Variants in BEND7 observed in about 807,000 individuals in gnomAD.
The protein encoded by BEND7 is BEN domain-containing protein 7.
BEND7 carries 28 observed loss-of-function variants against 50.9 expected under a neutral mutation model. The observed-to-expected ratio is 0.55, with a 90% CI of 0.41 to 0.75. The LOEUF (loss-of-function observed/expected upper bound fraction) is 0.75. Among genes scored for constraint, BEND7 ranks in the 30% least tolerant of loss-of-function variants. BEND7 has a pLI of 0.00. For missense variants in BEND7, 477 were observed against 491.3 expected (o/e 0.97, Z 0.28); for synonymous variants, 170 against 183.9 (o/e 0.92, Z 0.61).
At chr10:13,451,087 G>T (rs1046358733) in intron 7 of BEND7, among the ~76,000 whole-genome samples, 1 of 152,024 alleles carries the variant, frequency 6.6e-6, no homozygotes, top group African/African-American at 2.4e-5. Context: ...GCATGGGGAA[G>T]GCAGCAGAAC....
chr10:13,489,595 T>C (rs936229081), intron 5 of BEND7, among the ~76,000 whole-genome samples: 1 of 152,288 alleles, frequency 6.6e-6, no homozygotes, highest in East Asian at 1.9e-4. Context: ...TCTCTGCTCT[T>C]GAGAAGCTGG....
At chr10:13,501,790 G>A (rs1267746311) in intron 2 of BEND7, among the ~76,000 whole-genome samples, 1 of 151,788 alleles carries the variant, frequency 6.6e-6, no homozygotes, top group Non-Finnish European at 1.5e-5. Context: ...AGGTTGCAGC[G>A]AGCCGAGATT....
chr10:13,439,577 CCTTAT>C (rs1213585613), downstream of BEND7: 13 of 1,403,068 alleles, frequency 9.3e-6, no homozygotes, highest in Admixed American at 2.3e-5. Context: ...CACCCTGTGT[CCTTAT>C]CTTAGTGAGT....
chr10:13,489,335 T>A (rs546194028), intron 5 of BEND7, among the ~76,000 whole-genome samples: 1 of 152,308 alleles, frequency 6.6e-6, no homozygotes, highest in South Asian at 2.1e-4. Flanking sequence ...CTTTCAGTTC[T>A]TTCATATGAT....
Position 13,452,645 on chromosome 10 carries a change from C to G in BEND7, c.1077G>C (p.Lys359Asn). ...IVGAIKVFTE[K>N]YCTANHVDKL... ...TATCCACATGGTTAGCTGTACAGTA[C>G]TTTTCTGTGAAGACTGAAAGAAAAT... Residue 359 changes from lysine to asparagine, a missense_variant, in exon 7 of 9, where the codon AAG becomes AAC. This residue lies in a region of BEND7 where 64 missense variants were observed against 68.5 expected (regional missense o/e 0.93). Transcript: ENST00000466271. The G allele has an allele frequency of 1.3e-6, 2 of 1,598,658 alleles. No homozygotes were observed. The highest frequency in any genetic ancestry group is 1.7e-6 in the Non-Finnish European group (2 of 1,173,080).
At chr10:13,498,927 A>C (rs2077236043) in intron 3 of BEND7, among the ~76,000 whole-genome samples, 1 of 152,234 alleles carries the variant, frequency 6.6e-6, no homozygotes, top group African/African-American at 2.4e-5. Flanking sequence ...TTTTAAAAAA[A>C]GTCAAAACAG....
chr10:13,504,260 C>T (rs1285789261), intron 2 of BEND7, among the ~76,000 whole-genome samples: 1 of 152,172 alleles, frequency 6.6e-6, no homozygotes, highest in Non-Finnish European at 1.5e-5. Flanking sequence ...ACACCCACAC[C>T]TGGTCTCGCC....
At chr10:13,519,069 G>T (rs897458520) in intron 2 of BEND7, among the ~76,000 whole-genome samples, 1 of 152,216 alleles carries the variant, frequency 6.6e-6, no homozygotes, top group Non-Finnish European at 1.5e-5. Flanking sequence ...TCTGCAGGGT[G>T]ACTTGAGCAC....
chr10:13,480,686 T>G, intron 6 of BEND7: 2 of 985,296 alleles, frequency 2.0e-6, no homozygotes, highest in Non-Finnish European at 2.4e-6. Context: ...AAATTATTAT[T>G]TCAACAAATT....
intron 4 of BEND7, among the ~76,000 whole-genome samples, chr10:13,496,441 T>G (rs1475106054): frequency 1.3e-5 from 2 of 152,238 alleles, no homozygotes. Flanking sequence ...CTGAAGCCCA[T>G]GCTTCCTAAA....
chr10:13,501,856 A>G (rs1461166208), intron 2 of BEND7, among the ~76,000 whole-genome samples: 1 of 152,118 alleles, frequency 6.6e-6, no homozygotes, highest in Non-Finnish European at 1.5e-5. Context: ...AAAAAAAAAA[A>G]AAATCTTAGG....
chr10:13,444,847 C>G (rs906378391), intron 8 of BEND7: 2 of 152,288 alleles, frequency 1.3e-5, no homozygotes, highest in African/African-American at 4.8e-5. Flanking sequence ...CGGAGTCTCG[C>G]TCTGTCACCC....
At chr10:13,477,478 C>CT (rs1254625411) in intron 6 of BEND7, among the ~76,000 whole-genome samples, 2 of 152,218 alleles carry the variant, frequency 1.3e-5, no homozygotes, top group East Asian at 1.9e-4. Flanking sequence ...AGGGAAATTT[C>CT]TTTTTTTAAA....
chr10:13,529,517 C>G (rs1378832132), upstream of BEND7, among the ~76,000 whole-genome samples: 1 of 152,096 alleles, frequency 6.6e-6, no homozygotes, highest in South Asian at 2.1e-4. Context: ...ATTCCCTAAC[C>G]CAGGCTGGGC....
In BEND7 at chr10:13,492,657, C is replaced by T. The variant is rs755257295; in HGVS notation, c.791G>A (p.Ser264Asn). Residue 264 changes from serine (S) to asparagine (N), a missense_variant, in exon 5 of 9, where the codon AGC becomes AAC. Physicochemically the swap from Ser to Asn is conservative, Grantham distance 46. Around this residue, in one of 3 missense-constraint regions of BEND7, gnomAD observed 396 missense variants for 384.2 expected, o/e 1.03. Transcript: ENST00000466271. ...AACAATGCCGAATCCTAGAACGCGG[C>T]TCTCCTCCGGGGAGGTGTGCTCGGC... The part of the protein sequence containing the change: ...QAAEHTSPEE[S>N]RVLGFGIVLE... The T allele has an allele frequency of 8.7e-6, 14 of 1,614,064 alleles. No individual in the cohort carries two copies. The highest frequency in any genetic ancestry group is 1.1e-5 in the Non-Finnish European group (13 of 1,179,998).
chr10:13,457,055 G>A lies in BEND7; in HGVS notation c.1064-4397C>T, dbSNP rs1407918659. ...AAAAATGTGTACTACAAAAATGACT[G>A]AATCCACTGTTATAGCAGGTACACA... On this transcript the variant is annotated intron_variant, in intron 6 of 8. Coordinates refer to ENST00000466271, the MANE Select transcript of BEND7 (RefSeq NM_001369863.1). Among the ~76,000 whole-genome samples the A allele has an allele frequency of 2.6e-5, 4 of 152,174 alleles. No individual in the cohort carries two copies. In the East Asian group the frequency reaches 7.7e-4, roughly 29 times the overall value.
chr10:13,515,974 C>T (rs1387351867), intron 2 of BEND7, among the ~76,000 whole-genome samples: 2 of 152,140 alleles, frequency 1.3e-5, no homozygotes, highest in Non-Finnish European at 1.5e-5. Flanking sequence ...CCTCATGCGC[C>T]GCATGGGACA....
chr10:13,447,655 T>G (rs1356770484), intron 7 of BEND7, among the ~76,000 whole-genome samples: 2 of 150,172 alleles, frequency 1.3e-5, no homozygotes, highest in Admixed American at 6.7e-5. Flanking sequence ...GCCATTCTCC[T>G]GCCTCAGCCT....
intron 6 of BEND7, among the ~76,000 whole-genome samples, chr10:13,475,550 TCTCA>T (rs1414158593): frequency 8.5e-5 from 13 of 152,320 alleles, no homozygotes; most frequent in African/African-American, 1.9e-4. Context: ...TGGAGCTGAT[TCTCA>T]CTATCTTCAA....
Sources: allele counts gnomAD v4.1 joint callset (sites outside exome capture counted in the v4.1 genomes callset), GRCh38; gene constraint gnomAD v4.1.1; regional missense constraint gnomAD v4.1.1; transcripts MANE v1.5; gene names NCBI Gene and HGNC (gene_info 2026-07-23, HGNC 2026-07-21).